Variants in CNTLN observed in about 807,000 individuals in gnomAD.
CNTLN encodes centlein.
A neutral mutation model predicts 180.0 loss-of-function variants in CNTLN; 212 were observed. The ratio of observed to expected loss-of-function variants is 1.18; its 90% CI spans 1.05 to 1.32. The LOEUF is 1.32. Among genes scored for constraint, CNTLN ranks in the 40% most tolerant of loss-of-function variants. The probability of loss-of-function intolerance (pLI) is 0.00; values close to 1 mark genes in which losing one functional copy is unlikely to be tolerated. For missense variants in CNTLN, 2,095 were observed against 1,610.9 expected (o/e 1.30, Z -5.14); for synonymous variants, 722 against 563.1 (o/e 1.28, Z -3.99).
At chr9:17,144,826 TA>T (rs1341432800) in intron 2 of CNTLN, among the ~76,000 whole-genome samples, 3 of 150,530 alleles carry the variant, frequency 2.0e-5, no homozygotes, top group Admixed American at 6.6e-5. Flanking sequence ...TATTTTATTT[TA>T]TTTTTTTTAT....
intron 2 of CNTLN, among the ~76,000 whole-genome samples, chr9:17,156,544 G>C (rs1214356741): frequency 6.6e-6 from 1 of 151,526 alleles, no homozygotes; most frequent in Non-Finnish European, 1.5e-5. Context: ...GAATAAATTG[G>C]GTTATTTATT....
chr9:17,151,107 CT>C (rs1818840867), intron 2 of CNTLN, among the ~76,000 whole-genome samples: 1 of 152,170 alleles, frequency 6.6e-6, no homozygotes, highest in Non-Finnish European at 1.5e-5. Context: ...GACAAATTGA[CT>C]TCCTCTCTTC....
At chr9:17,316,488 G>A (rs1164529242) in intron 8 of CNTLN, among the ~76,000 whole-genome samples, 2 of 152,006 alleles carry the variant, frequency 1.3e-5, no homozygotes, top group Non-Finnish European at 2.9e-5. Flanking sequence ...AATATTGCAA[G>A]TTGAAAGTGC....
At chr9:17,312,561 T>C (rs1259684903) in intron 8 of CNTLN, among the ~76,000 whole-genome samples, 1 of 139,172 alleles carries the variant, frequency 7.2e-6, no homozygotes, top group Non-Finnish European at 1.6e-5. Flanking sequence ...TAATTTTTTT[T>C]TTTTTTTTTT....
At chr9:17,324,284 A>C (rs1376067815) in intron 8 of CNTLN, among the ~76,000 whole-genome samples, 1 of 152,180 alleles carries the variant, frequency 6.6e-6, no homozygotes, top group Admixed American at 6.6e-5. Context: ...TTAGGATGCC[A>C]CTAACAGAAA....
intron 18 of CNTLN, among the ~76,000 whole-genome samples, chr9:17,437,621 T>C (rs1402715696): frequency 6.6e-6 from 1 of 152,194 alleles, no homozygotes; most frequent in Non-Finnish European, 1.5e-5. Flanking sequence ...TTTAAATGAC[T>C]AGAATATTTG....
At chr9:17,394,389 C>T (rs190360796) in intron 14 of CNTLN, 145 bp from the exon 15 acceptor site, 1 of 675,050 alleles carries the variant, frequency 1.5e-6, no homozygotes, top group East Asian at 3.2e-5. Flanking sequence ...ATCTGCACTG[C>T]CTTAGAATTA....
chr9:17,165,577 A>G (rs1017851209), intron 2 of CNTLN, among the ~76,000 whole-genome samples: 19 of 149,902 alleles, frequency 1.3e-4, no homozygotes, highest in African/African-American at 4.0e-4. Flanking sequence ...ATTAAAGTCT[A>G]TATAAGGAGC....
At chr9:17,358,559 T>C (rs1412927545) in intron 12 of CNTLN, among the ~76,000 whole-genome samples, 4 of 152,098 alleles carry the variant, frequency 2.6e-5, no homozygotes, top group Non-Finnish European at 1.5e-5. Flanking sequence ...ATATCAAAAA[T>C]CAAAGTGATG....
At chr9:17,157,276 G>T (rs932723131) in intron 2 of CNTLN, among the ~76,000 whole-genome samples, 21 of 152,110 alleles carry the variant, frequency 1.4e-4, no homozygotes, top group Non-Finnish European at 2.2e-4. Flanking sequence ...CAATCAATAC[G>T]TACCAAATAT....
intron 18 of CNTLN, among the ~76,000 whole-genome samples, chr9:17,427,197 T>C (rs1390165827): frequency 6.6e-6 from 1 of 151,952 alleles, no homozygotes; most frequent in Non-Finnish European, 1.5e-5. Context: ...CAGCAGGTGC[T>C]ACCGAACCTC....
At chr9:17,175,759 T>C (rs1044273708) in intron 2 of CNTLN, among the ~76,000 whole-genome samples, 8 of 152,156 alleles carry the variant, frequency 5.3e-5, no homozygotes, top group Admixed American at 2.0e-4. Flanking sequence ...ATAAGATGTC[T>C]CTCCATTTAT....
At chr9:17,237,872 T>C (rs1292635692) in intron 5 of CNTLN, among the ~76,000 whole-genome samples, 1 of 152,168 alleles carries the variant, frequency 6.6e-6, no homozygotes, top group East Asian at 1.9e-4. Flanking sequence ...TGCACAATCA[T>C]GGGGTGACTG....
chr9:17,417,829 G>A (rs1828382136), intron 18 of CNTLN, among the ~76,000 whole-genome samples: 1 of 151,592 alleles, frequency 6.6e-6, no homozygotes, highest in Non-Finnish European at 1.5e-5. Flanking sequence ...TAATTTTTGA[G>A]GTGCCATACT....
the CNTLN span, among the ~76,000 whole-genome samples, chr9:17,527,588 G>A: frequency 1.3e-5 from 2 of 152,132 alleles, no homozygotes; most frequent in African/African-American, 4.8e-5. Context: ...GATAAGCAAG[G>A]GGAGGAGAGG....
rs373783256 is a variant in CNTLN at position 17,402,527 on chromosome 9, A to G, written c.2616-6766A>G. ...TAGCCCCCTCTGTTGGTTATGTATC[A>G]ACTTGTTATGTGTTTTTGGATGAGA... On this transcript the variant is annotated intron_variant, in intron 15 of 25. Transcript: ENST00000380647. Among the ~76,000 whole-genome samples the G allele has an allele frequency of 3.9e-5, 6 of 151,902 alleles. 1 individual carries two copies. Among genetic ancestry groups the G allele is most frequent in the South Asian group, 2.1e-4 (1 of 4,824 alleles).
At chr9:17,377,606 A>G (rs1172937065) in intron 13 of CNTLN, among the ~76,000 whole-genome samples, 1 of 152,172 alleles carries the variant, frequency 6.6e-6, no homozygotes, top group Non-Finnish European at 1.5e-5. Flanking sequence ...TCAAGAAGGA[A>G]TGAAAGTAGC....
chr9:17,365,249 C>T (rs1823716343), intron 12 of CNTLN, among the ~76,000 whole-genome samples: 1 of 152,258 alleles, frequency 6.6e-6, no homozygotes, highest in African/African-American at 2.4e-5. Flanking sequence ...GTGTGTAGCA[C>T]CTCCCTCTGT....
At chr9:17,485,413 C>A (rs1455902600) in intron 24 of CNTLN, among the ~76,000 whole-genome samples, 1 of 152,088 alleles carries the variant, frequency 6.6e-6, no homozygotes, top group Non-Finnish European at 1.5e-5. Flanking sequence ...TATTTTCATC[C>A]AGTGGGTGAA....
Sources: gnomAD v4.1 joint callset for allele counts (sites outside exome capture counted in the v4.1 genomes callset) on GRCh38, gnomAD v4.1.1 for gene constraint, MANE v1.5 for transcripts, NCBI Gene and HGNC (gene_info 2026-07-23, HGNC 2026-07-21) for gene names.